The following EIF4G3 variants were observed in gnomAD, a reference collection of about 807,000 sequenced individuals.
The protein encoded by EIF4G3 is eIF-4-gamma 3.
EIF4G3 carries 34 observed loss-of-function variants against 186.4 expected under a neutral mutation model. The observed-to-expected ratio is 0.18, with a 90% CI of 0.14 to 0.24. The LOEUF is 0.24. Ranked by LOEUF, EIF4G3 falls within the 10% of genes least tolerant of loss-of-function variation. The pLI is 1.00. For missense variants in EIF4G3, 1,536 were observed against 1,948.5 expected (o/e 0.79, Z 3.99); for synonymous variants, 673 against 679.5 (o/e 0.99, Z 0.15).
chr1:21,010,734 A>G (rs2086799021), intron 4 of EIF4G3, among the ~76,000 whole-genome samples: 1 of 152,262 alleles, frequency 6.6e-6, no homozygotes, highest in Non-Finnish European at 1.5e-5. Context: ...TGAGTTCTAT[A>G]TTTTATATCA....
intron 2 of EIF4G3, among the ~76,000 whole-genome samples, chr1:21,104,195 A>G (rs746284808): frequency 3.9e-5 from 6 of 152,196 alleles, no homozygotes; most frequent in Non-Finnish European, 8.8e-5. Context: ...CATGAGCAGG[A>G]AAGTGGTACT....
chr1:21,093,874 T>C (rs1271897378), intron 2 of EIF4G3, among the ~76,000 whole-genome samples: 1 of 152,036 alleles, frequency 6.6e-6, no homozygotes, highest in Non-Finnish European at 1.5e-5. Context: ...AAACACCACA[T>C]GTTCTCACTC....
intron 19 of EIF4G3, among the ~76,000 whole-genome samples, chr1:20,880,240 G>A (rs1203128702): frequency 6.6e-6 from 1 of 152,094 alleles, no homozygotes; most frequent in Non-Finnish European, 1.5e-5. Flanking sequence ...GATTGTAAAG[G>A]AAGAAATAAA....
chr1:20,938,159 T>C (rs1255214938), intron 14 of EIF4G3, among the ~76,000 whole-genome samples: 1 of 151,920 alleles, frequency 6.6e-6, no homozygotes, highest in Non-Finnish European at 1.5e-5. Context: ...CACTCCTGGG[T>C]AATTTTTGTA....
chr1:21,036,887 A>T (rs1008906165), intron 4 of EIF4G3, among the ~76,000 whole-genome samples: 2 of 152,214 alleles, frequency 1.3e-5, no homozygotes, highest in Non-Finnish European at 2.9e-5. Context: ...CTCTAAAAAA[A>T]TAATAAAATA....
At chr1:21,018,661 G>A (rs1308262200) in intron 4 of EIF4G3, among the ~76,000 whole-genome samples, 1 of 152,146 alleles carries the variant, frequency 6.6e-6, no homozygotes, top group Non-Finnish European at 1.5e-5. Context: ...GAGTCTAATG[G>A]GAAGTGTTTG....
chr1:20,846,352 G>C (rs2071016283), intron 29 of EIF4G3, among the ~76,000 whole-genome samples: 1 of 152,106 alleles, frequency 6.6e-6, no homozygotes, highest in African/African-American at 2.4e-5. Context: ...TTCTTGTCTT[G>C]CACTGGTTTT....
At chr1:20,815,052 C>T (rs1392023336) in intron 34 of EIF4G3, among the ~76,000 whole-genome samples, 7 of 74,940 alleles carry the variant, frequency 9.3e-5, no homozygotes, top group Admixed American at 4.7e-4. Flanking sequence ...CCCGAGGTGC[C>T]GGGATTGCAG....
intron 3 of EIF4G3, among the ~76,000 whole-genome samples, chr1:21,069,765 C>T (rs550765593): frequency 1.3e-5 from 2 of 152,042 alleles, no homozygotes; most frequent in Admixed American, 6.6e-5. Flanking sequence ...GAATTTTTAC[C>T]GGGGGAGAGG....
intron 2 of EIF4G3, among the ~76,000 whole-genome samples, chr1:21,174,051 TGTGTAA>T (rs2098047914): frequency 6.6e-6 from 1 of 152,182 alleles, no homozygotes; most frequent in Admixed American, 6.5e-5. Flanking sequence ...AACCTTTCAG[TGTGTAA>T]AAGCAAAGAG....
chr1:21,101,802 A>G (rs918826112), intron 2 of EIF4G3, among the ~76,000 whole-genome samples: 2 of 152,124 alleles, frequency 1.3e-5, no homozygotes, highest in Admixed American at 1.3e-4. Flanking sequence ...TATCATAAAT[A>G]CTTTCTTGAA....
intron 4 of EIF4G3, among the ~76,000 whole-genome samples, chr1:21,020,371 T>G (rs2090389313): frequency 6.6e-6 from 1 of 152,100 alleles, no homozygotes; most frequent in African/African-American, 2.4e-5. Flanking sequence ...ATGCCTGTGG[T>G]CTGAGCTACT....
chr1:21,054,791 C>G (rs879731804), intron 3 of EIF4G3, among the ~76,000 whole-genome samples: 209 of 152,314 alleles, frequency 1.4e-3, no homozygotes, highest in Non-Finnish European at 2.5e-3. Context: ...ATATAAACAT[C>G]TTCAGGATCA....
In EIF4G3 at chr1:21,155,098, A is replaced by G. The variant is rs146036491; in HGVS notation, c.-272+21077T>C. On this transcript the variant is annotated intron_variant, in intron 2 of 36. Coordinates refer to ENST00000602326, the MANE Select transcript of EIF4G3 (RefSeq NM_001391906.1). ...GCCAACATAGAGAAACCCCATCTCC[A>G]CTAAAAATACAAAACCTACCTAGGC... Among the ~76,000 whole-genome samples the G allele has an allele frequency of 7.4e-3, 1,122 of 152,024 alleles. 14 individuals are homozygous for G. The highest frequency in any genetic ancestry group is 0.065 in the Middle Eastern group (19 of 294).
chr1:21,010,419 CA>C (rs11318361), intron 4 of EIF4G3, among the ~76,000 whole-genome samples: 44,921 of 100,070 alleles, frequency 0.45, 6,792 homozygotes, highest in Non-Finnish European at 0.5. Flanking sequence ...GACTCTGTCT[CA>C]AAAAAAAAAA....
chr1:21,037,126 A>C (rs1215558637), intron 4 of EIF4G3, among the ~76,000 whole-genome samples: 2 of 152,070 alleles, frequency 1.3e-5, no homozygotes, highest in Non-Finnish European at 2.9e-5. Context: ...AGACCCTCAC[A>C]GAATAAGGTC....
chr1:21,047,330 C>T (rs922684489), intron 4 of EIF4G3, among the ~76,000 whole-genome samples: 4 of 152,120 alleles, frequency 2.6e-5, no homozygotes, highest in Non-Finnish European at 4.4e-5. Flanking sequence ...TCATGGAAAA[C>T]AGAAGAGACT....
chr1:21,170,514 T>C (rs2097939807), intron 2 of EIF4G3, among the ~76,000 whole-genome samples: 1 of 149,724 alleles, frequency 6.7e-6, no homozygotes, highest in Non-Finnish European at 1.5e-5. Context: ...GTACCCCACA[T>C]ACAAAAATTA....
chr1:21,006,211 AT>A (rs1191246460), intron 4 of EIF4G3, among the ~76,000 whole-genome samples: 8 of 152,218 alleles, frequency 5.3e-5, no homozygotes, highest in African/African-American at 1.9e-4. Context: ...TCTTCTCTGC[AT>A]TTAATGACTT....
Sources: gnomAD v4.1 joint callset for allele counts (sites outside exome capture counted in the v4.1 genomes callset) on GRCh38, gnomAD v4.1.1 for gene constraint, MANE v1.5 for transcripts, NCBI Gene and HGNC (gene_info 2026-07-23, HGNC 2026-07-21) for gene names.